Variants in CCDC12 observed in about 807,000 individuals in gnomAD.
CCDC12 encodes the protein coiled-coil domain containing 12.
In CCDC12, 28 loss-of-function variants were observed where a neutral mutation model predicts 25.7. The ratio of observed to expected loss-of-function variants is 1.09; its 90% CI spans 0.81 to 1.50. The LOEUF (loss-of-function observed/expected upper bound fraction) is 1.50. Among genes scored for constraint, CCDC12 ranks in the 40% most tolerant of loss-of-function variants. CCDC12 has a pLI of 0.00. For missense variants in CCDC12, 198 were observed against 210.0 expected, an observed-to-expected ratio of 0.94 and a Z score of 0.35; for synonymous variants, 75 against 87.7, an observed-to-expected ratio of 0.86 and a Z score of 0.81.
chr3:46,938,994 A>G (rs1346776238), intron 2 of CCDC12, among the ~76,000 whole-genome samples: 1 of 152,118 alleles, frequency 6.6e-6, no homozygotes, highest in Non-Finnish European at 1.5e-5. Context: ...AGCACCTGAC[A>G]CTGTATCACA....
chr3:46,979,020 T>A (rs770126094), upstream of CCDC12, among the ~76,000 whole-genome samples: 14 of 152,116 alleles, frequency 9.2e-5, no homozygotes, highest in Non-Finnish European at 1.8e-4. Context: ...GGCACCCACC[T>A]GTTGAGGTTA....
At chr3:46,972,168 C>A (rs564083916) in intron 1 of CCDC12, among the ~76,000 whole-genome samples, 1 of 152,188 alleles carries the variant, frequency 6.6e-6, no homozygotes, top group Admixed American at 6.5e-5. Context: ...AAACTCTTTG[C>A]GCAGCAAATG....
At chr3:46,949,480 G>A (rs2107157194) in intron 1 of CCDC12, among the ~76,000 whole-genome samples, 1 of 152,298 alleles carries the variant, frequency 6.6e-6, no homozygotes, top group East Asian at 1.9e-4. Flanking sequence ...AGTCTGGCCT[G>A]GCTCCAAACT....
intron 3 of CCDC12, 51 bp from the exon 4 acceptor site, chr3:46,923,719 C>G: frequency 7.2e-7 from 1 of 1,396,524 alleles, no homozygotes; most frequent in Non-Finnish European, 9.5e-7. Context: ...CGCTGCCACT[C>G]TGCAGGGACA....
intron 2 of CCDC12, among the ~76,000 whole-genome samples, chr3:46,930,486 C>T (rs374192732): frequency 6.6e-6 from 1 of 152,294 alleles, no homozygotes; most frequent in African/African-American, 2.4e-5. Flanking sequence ...GCCCAGAAAG[C>T]CCAATGGCTT....
chr3:46,938,524 T>A (rs1352827984), intron 2 of CCDC12, among the ~76,000 whole-genome samples: 1 of 143,952 alleles, frequency 6.9e-6, no homozygotes, highest in South Asian at 2.3e-4. Context: ...TCCTGTTTTT[T>A]TTTTTTTTTT....
intron 2 of CCDC12, among the ~76,000 whole-genome samples, chr3:46,934,642 G>A (rs1179439511): frequency 1.3e-5 from 2 of 152,180 alleles, no homozygotes; most frequent in African/African-American, 4.8e-5. Flanking sequence ...GGTGCCCGGT[G>A]CCAGCACATG....
At chr3:46,931,610 C>T (rs2033218893) in intron 2 of CCDC12, among the ~76,000 whole-genome samples, 1 of 151,554 alleles carries the variant, frequency 6.6e-6, no homozygotes, top group Non-Finnish European at 1.5e-5. Flanking sequence ...CCCTGGGCCC[C>T]TGGAGGGAGG....
rs564263235 is a variant in CCDC12, at chr3:46,957,927, A to G, written c.97-16862T>C. 8.6e-5 allele frequency among the ~76,000 whole-genome samples: 13 copies of G among 151,256 alleles called. No homozygotes were observed. In the East Asian group the frequency reaches 1.4e-3, roughly 16 times the overall value. On this transcript the variant is annotated intron_variant, in intron 1 of 6. Coordinates refer to ENST00000683445, the MANE Select transcript of CCDC12 (RefSeq NM_001277074.2). ...CACTGCACTCCAGCCTGGCCAACAG[A>G]GCGAGACTCCATCTCAAAAATAAAA...
intron 1 of CCDC12, chr3:46,976,208 G>T: frequency 1.5e-6 from 1 of 651,588 alleles, no homozygotes; most frequent in Non-Finnish European, 2.0e-6. Context: ...TTGCTGCCCT[G>T]TCCAAGGAGT....
chr3:46,923,958 G>T (rs2032823708), intron 3 of CCDC12: 1 of 335,124 alleles, frequency 3.0e-6, no homozygotes, highest in Non-Finnish European at 5.4e-6. Flanking sequence ...CAAGACCAGA[G>T]AGCTGCCTGG....
At chr3:46,925,787 G>A (rs964105961) in intron 2 of CCDC12, among the ~76,000 whole-genome samples, 2 of 152,226 alleles carry the variant, frequency 1.3e-5, no homozygotes, top group African/African-American at 4.8e-5. Context: ...TTCTCTTCCA[G>A]AGCTGGGCCA....
intron 1 of CCDC12, among the ~76,000 whole-genome samples, chr3:46,964,059 T>A (rs1264454997): frequency 6.6e-6 from 1 of 150,522 alleles, no homozygotes; most frequent in African/African-American, 2.5e-5. Flanking sequence ...GGAGCGCCTT[T>A]GCCCCGCCGC....
At chr3:46,938,235 G>C (rs549517269) in intron 2 of CCDC12, among the ~76,000 whole-genome samples, 1 of 152,172 alleles carries the variant, frequency 6.6e-6, no homozygotes, top group African/African-American at 2.4e-5. Context: ...CAGCTCAGTG[G>C]GCTCAGGACA....
At chr3:46,975,255 G>C (rs373968631) in intron 1 of CCDC12, among the ~76,000 whole-genome samples, 1 of 151,098 alleles carries the variant, frequency 6.6e-6, no homozygotes, top group Non-Finnish European at 1.5e-5. Flanking sequence ...GCGCGATCTC[G>C]GCTCACTGCA....
At chr3:46,938,336 A>G (rs2033539954) in intron 2 of CCDC12, among the ~76,000 whole-genome samples, 1 of 152,102 alleles carries the variant, frequency 6.6e-6, no homozygotes, top group Non-Finnish European at 1.5e-5. Context: ...TCTTTTATCT[A>G]GAACTCACTG....
In CCDC12 at chr3:46,934,593, G is replaced by A. The variant is rs2033367043; in HGVS notation, c.164+6405C>T. ...ATCAAGACTTAATGCACACAGAAAG[G>A]ATTCAGCTGTGCTCCTACCCCACCC... On this transcript the variant is annotated intron_variant, in intron 2 of 6. Coordinates refer to ENST00000683445, the MANE Select transcript of CCDC12 (RefSeq NM_001277074.2). Among the ~76,000 whole-genome samples, 4 of 152,188 alleles carry A rather than the reference G, an allele frequency of 2.6e-5. No homozygotes were observed. In the South Asian group the frequency reaches 8.3e-4, roughly 32 times the overall value.
chr3:46,945,567 C>T (rs1158230366), intron 1 of CCDC12, among the ~76,000 whole-genome samples: 2 of 152,198 alleles, frequency 1.3e-5, no homozygotes, highest in African/African-American at 4.8e-5. Context: ...TTATCAGGGA[C>T]AAAACTGTTA....
chr3:46,976,607 C>T, intron 1 of CCDC12, 30 bp downstream of exon 1: 2 of 1,597,978 alleles, frequency 1.3e-6, no homozygotes, highest in Non-Finnish European at 1.7e-6. Context: ...CTGGACGCCT[C>T]AACTGCGACC....
Sources: gnomAD v4.1 joint callset for allele counts (sites outside exome capture counted in the v4.1 genomes callset) on GRCh38, gnomAD v4.1.1 for gene constraint, MANE v1.5 for transcripts, NCBI Gene and HGNC (gene_info 2026-07-23, HGNC 2026-07-21) for gene names.